Variants in RFNG observed in about 807,000 individuals in gnomAD.
RFNG encodes the protein beta-1,3-N-acetylglucosaminyltransferase radical fringe.
Under a neutral mutation model 29.6 loss-of-function variants are expected in RFNG, and 37 were observed. That is an observed-to-expected ratio of 1.25 (90% CI 0.96 to 1.65). The LOEUF is 1.65. Among genes scored for constraint, RFNG ranks in the 40% most tolerant of loss-of-function variants. The pLI, the probability that RFNG is intolerant of heterozygous loss-of-function variation, is 0.00. For missense variants in RFNG, 546 were observed against 457.0 expected (o/e 1.19, Z -1.78); for synonymous variants, 276 against 197.3 (o/e 1.40, Z -3.34).
At chr17:82,050,787 AC>A (rs781552065) in intron 2 of RFNG, 23 bp from the exon 3 acceptor site, 1 of 1,609,118 alleles carries the variant, frequency 6.2e-7, no homozygotes, top group Non-Finnish European at 8.5e-7. Flanking sequence ...GACGGGAAGC[AC>A]GCACGTAGAG....
In RFNG at chr17:82,051,177, G is replaced by A. The variant is rs920131396; in HGVS notation, c.316+117C>T. 2.3e-5 allele frequency: 30 copies of A among 1,304,390 alleles called. No individual in the cohort carries two copies. The Admixed American group carries it at 3.6e-4, about 16-fold the overall frequency. The allele number at this position is 1,304,390 out of a possible 1,614,324, so 80.8% of individuals were successfully genotyped here. A position where few individuals can be genotyped will look rare whatever the true frequency, so the allele number is the denominator to read the frequency against. ...ACCTGGGCAGCGTCGGGGCCTCCCC[G>A]GGCCTCGGGAGCCTGGGCAGAGAAA... On this transcript the variant is annotated intron_variant, in intron 2 of 7. Transcript: ENST00000310496. This position sits in a 1 kb window ranked among gnomAD's most constrained non-coding sequence, Gnocchi z 4.1.
rs950768405 is a variant in RFNG at position 82,049,595 on chromosome 17, C to T, written c.828+82G>A. The T allele has an allele frequency of 8.4e-6, 12 of 1,432,342 alleles. No homozygotes were observed. In the Admixed American group the frequency reaches 8.9e-5, roughly 11 times the overall value. 88.7% of individuals were successfully genotyped at this position (1,432,342 alleles called of 1,614,324 possible). A position where few individuals can be genotyped will look rare whatever the true frequency, so the allele number is the denominator to read the frequency against. On this transcript the variant is annotated intron_variant, in intron 6 of 7. Coordinates refer to ENST00000310496, the MANE Select transcript of RFNG (RefSeq NM_002917.2). ...CCCACCTGCCTGCTCAGCCGGGCAT[C>T]GGGCCGGGGCAGTGGGGCCCCTGGG...
rs2030169211 is a variant in RFNG, at chr17:82,049,839, C to T, written c.666G>A (p.Leu222=). ...GCTCAGCTGTGCTCATGAAGCTGCC[C>T]AGGCTGGGGGGAGGCCGGTCAGCAC... ...LALKMSPWAS[L]GSFMSTAEQV... The change falls in exon 6 of 8, where the codon CTG becomes CTA. Residue 222 remains leucine (L), a synonymous_variant. Coordinates refer to ENST00000310496, the MANE Select transcript of RFNG (RefSeq NM_002917.2). The T allele has an allele frequency of 2.5e-6, 4 of 1,599,654 alleles. No homozygotes were observed. Among genetic ancestry groups the T allele is most frequent in the South Asian group, 2.2e-5 (2 of 89,658 alleles).
intron 2 of RFNG, 43 bp from the exon 3 acceptor site, chr17:82,050,807 T>C (rs1192427652): frequency 4.4e-6 from 7 of 1,587,282 alleles, no homozygotes; most frequent in Middle Eastern, 3.3e-4. Flanking sequence ...AGGATGGCAC[T>C]GGGGTTGGGG....
chr17:82,049,634 G>A (rs1409502620), intron 6 of RFNG, 43 bp downstream of exon 6: 2 of 1,461,716 alleles, frequency 1.4e-6, no homozygotes, highest in African/African-American at 1.4e-5. Context: ...GTCAGGGCGG[G>A]GCAAAGCCCA....
intron 6 of RFNG, 116 bp from the exon 7 acceptor site, chr17:82,049,232 G>T: frequency 2.4e-6 from 2 of 819,634 alleles, no homozygotes; most frequent in Non-Finnish European, 2.1e-6. Flanking sequence ...CCAGGCCCTC[G>T]GGGAGGCCAG....
Position 82,048,436 on chromosome 17 carries a change from G to A in RFNG, c.*290C>T, listed in dbSNP as rs2030060037. On this transcript the variant is annotated 3_prime_UTR_variant, in exon 8 of 8. Transcript: ENST00000310496. ...GCAGCTCCCTCCCAGGTGCGCAAGT[G>A]CTGGGGTGGAAGCCTGTTCCCGTGG... The A allele has an allele frequency of 2.2e-6, 1 of 463,188 alleles. No individual in the cohort carries two copies. Among genetic ancestry groups the A allele is most frequent in the Non-Finnish European group, 4.0e-6 (1 of 251,252 alleles). 28.7% of individuals were successfully genotyped at this position (463,188 alleles called of 1,614,324 possible).
At position 82,049,757 on chromosome 17, in the gene RFNG, C is replaced by T. The variant is rs770261294; in HGVS notation, c.748G>A (p.Ala250Thr). ...VGYIVEGLLG[A>T]RLLHSPLFHS... ...AAGAGGGGGCTGTGCAGCAGGCGGG[C>T]GCCCAGGAGCCCCTCCACGATGTAG... The change falls in exon 6 of 8, where the codon GCC becomes ACC. Residue 250 changes from alanine (A) to threonine (T), a missense_variant. Ala to Thr is a moderately conservative substitution (Grantham distance 58, BLOSUM62 0). Coordinates refer to ENST00000310496, the MANE Select transcript of RFNG (RefSeq NM_002917.2). 36 of 1,521,904 alleles carry T rather than the reference C, an allele frequency of 2.4e-5. No individual in the cohort carries two copies. Among genetic ancestry groups the T allele is most frequent in the Non-Finnish European group, 2.9e-5 (33 of 1,138,284 alleles). 94.3% of individuals were successfully genotyped at this position (1,521,904 alleles called of 1,614,324 possible).
rs764706021 is a variant in RFNG, at chr17:82,051,368, T to A, written c.268-26A>T. On this transcript the variant is annotated intron_variant, in intron 1 of 7. Coordinates refer to ENST00000310496, the MANE Select transcript of RFNG (RefSeq NM_002917.2). The surrounding 1 kb of genome is among the most constrained non-coding windows in gnomAD (Gnocchi z 4.1). ...CTGGGGGAGAAACAATCTATGAGGC[T>A]TCTGGGGCGCTGCCCAGGCCGGAGA... is the stretch of plus-strand genomic sequence containing the variant. 1 of 1,456,364 alleles carries A rather than the reference T, an allele frequency of 6.9e-7. No homozygotes were observed. The highest frequency in any genetic ancestry group is 9.0e-7 in the Non-Finnish European group (1 of 1,113,012). The allele number at this position is 1,456,364 out of a possible 1,614,324, so 90.2% of individuals were successfully genotyped here. A position where few individuals can be genotyped will look rare whatever the true frequency, so the allele number is the denominator to read the frequency against.
In RFNG at chr17:82,050,430, G is replaced by A. The variant is rs757105853; in HGVS notation, c.545C>T (p.Ala182Val). The change falls in exon 4 of 8, where the codon GCC becomes GTC. Residue 182 changes from alanine to valine, a missense_variant. Transcript: ENST00000310496. ...TCTGCCACCCTGGACCCTCTCGGTG[G>A]CCTCAATGGGGTGGTCCAGGCTGGG... Reference protein sequence around the residue: ...GRPSLDHPIEATERVQGGRTV... With the variant: ...GRPSLDHPIEVTERVQGGRTV... The A allele has an allele frequency of 3.1e-6, 5 of 1,602,728 alleles. No homozygotes were observed. Among genetic ancestry groups the A allele is most frequent in the Non-Finnish European group, 4.2e-6 (5 of 1,176,568 alleles).
intron 5 of RFNG, 29 bp downstream of exon 5, chr17:82,049,889 C>T: frequency 6.2e-7 from 1 of 1,611,252 alleles, no homozygotes; most frequent in Non-Finnish European, 8.5e-7. Flanking sequence ...CCTCCGCCTC[C>T]CAGCCCGGGC....
At chr17:82,050,295 C>T (rs2030285574) in intron 4 of RFNG, 107 bp downstream of exon 4, 7 of 1,347,158 alleles carry the variant, frequency 5.2e-6, no homozygotes, top group Non-Finnish European at 6.0e-6. Context: ...AGCTTGGGCC[C>T]CCAACCCTAT....
At position 82,050,756 on chromosome 17, in the gene RFNG, C is replaced by T; in HGVS notation, c.325G>A (p.Val109Ile). 6.2e-7 allele frequency: 1 copy of T among 1,612,972 alleles called. No homozygotes were observed. The highest frequency in any genetic ancestry group is 8.5e-7 in the Non-Finnish European group (1 of 1,179,886). ...PELELQGGDR[V>I]INTNCSAVRT... ...ACCGCCGAGCAGTTGGTGTTGATGA[C>T]ACGGTCGCCTGCGAATCAGAGACGG... Residue 109 changes from valine (V) to isoleucine (I), a missense_variant, in exon 3 of 8, where the codon GTC becomes ATC. By Grantham distance (29) the Val-to-Ile change is conservative. Coordinates refer to ENST00000310496, the MANE Select transcript of RFNG (RefSeq NM_002917.2).
rs1433750976 is a variant in RFNG at position 82,051,004 on chromosome 17, G to A, written c.317-240C>T. The A allele has an allele frequency of 5.0e-6, 7 of 1,413,012 alleles. No individual in the cohort carries two copies. The highest frequency in any genetic ancestry group is 4.7e-5 in the South Asian group (3 of 63,600). 87.5% of individuals were successfully genotyped at this position (1,413,012 alleles called of 1,614,324 possible). On this transcript the variant is annotated intron_variant, in intron 2 of 7. Transcript: ENST00000310496. This position sits in a 1 kb window ranked among gnomAD's most constrained non-coding sequence, Gnocchi z 4.1. ...AGTGGAAACAGGACGGAGGCAGCTC[G>A]CCCTGACCTGGCCTGGAAGGGCGGA... is the stretch of plus-strand genomic sequence containing the variant.
rs1217495836 is a variant in RFNG, at chr17:82,051,619, G to C, written c.148C>G (p.Pro50Ala). ...APAPRAPPSR[P>A]AAPSLRPDDV... is the part of the protein sequence containing the mutation. Reference sequence around the variant, plus strand: ...TCAGGCCGCAGGCTGGGGGCAGCGGGCCGGGACGGGGGCGCGCGCGGGGCC... The same window carrying C: ...TCAGGCCGCAGGCTGGGGGCAGCGGCCCGGGACGGGGGCGCGCGCGGGGCC... Residue 50 changes from proline (P) to alanine (A), a missense_variant, in exon 1 of 8, where the codon CCC becomes GCC. Physicochemically the swap from Pro to Ala is conservative, Grantham distance 27. Transcript: ENST00000310496. The surrounding 1 kb of genome is among the most constrained non-coding windows in gnomAD (Gnocchi z 4.1). 11 of 1,211,314 alleles carry C rather than the reference G, an allele frequency of 9.1e-6. No homozygotes were observed. In the African/African-American group the frequency reaches 1.4e-4, roughly 16 times the overall value. 75.0% of individuals were successfully genotyped at this position (1,211,314 alleles called of 1,614,324 possible).
intron 7 of RFNG, 41 bp downstream of exon 7, chr17:82,048,990 C>A (rs767487836): frequency 1.8e-5 from 29 of 1,588,004 alleles, no homozygotes; most frequent in Non-Finnish European, 2.3e-5. Context: ...TGCCAGAGCC[C>A]CTGCGGGGCC....
Position 82,050,079 on chromosome 17 carries a change from G to A in RFNG, c.574-73C>T, listed in dbSNP as rs1322038114. 2.5e-5 allele frequency: 33 copies of A among 1,318,912 alleles called. 1 individual carries two copies. The highest frequency in any genetic ancestry group is 2.0e-4 in the South Asian group (16 of 80,712). 81.7% of individuals were successfully genotyped at this position (1,318,912 alleles called of 1,614,324 possible). On this transcript the variant is annotated intron_variant, in intron 4 of 7. Transcript: ENST00000310496. ...CCCTGACTCTTCATGGGACTCCCCA[G>A]GCATCTTTCTTAAGCTGCCCCTTAG...
intron 4 of RFNG, 74 bp downstream of exon 4, chr17:82,050,328 A>T: frequency 6.8e-7 from 1 of 1,478,984 alleles, no homozygotes; most frequent in Non-Finnish European, 9.0e-7. Flanking sequence ...CCAGCTTTCC[A>T]CGCCCTCTGC....
In RFNG at chr17:82,051,366, G is replaced by A. The variant is rs559311094; in HGVS notation, c.268-24C>T. Reference sequence around the variant, plus strand: ...GTCTGGGGGAGAAACAATCTATGAGGCTTCTGGGGCGCTGCCCAGGCCGGA... The same window carrying A: ...GTCTGGGGGAGAAACAATCTATGAGACTTCTGGGGCGCTGCCCAGGCCGGA... On this transcript the variant is annotated intron_variant, in intron 1 of 7. Transcript: ENST00000310496. The surrounding 1 kb of genome is among the most constrained non-coding windows in gnomAD (Gnocchi z 4.1). 5.5e-6 allele frequency: 8 copies of A among 1,457,814 alleles called. No individual in the cohort carries two copies. Among genetic ancestry groups the A allele is most frequent in the African/African-American group, 4.5e-5 (3 of 67,338 alleles). 90.3% of individuals were successfully genotyped at this position (1,457,814 alleles called of 1,614,324 possible). A position where few individuals can be genotyped will look rare whatever the true frequency, so the allele number is the denominator to read the frequency against.
Sources: gnomAD v4.1 joint callset for allele counts on GRCh38, gnomAD v4.1.1 for gene constraint, Gnocchi (gnomAD v3.1) non-coding constraint, MANE v1.5 for transcripts, NCBI Gene and HGNC (gene_info 2026-07-23, HGNC 2026-07-21) for gene names.